The following KIFC3 variants were observed in gnomAD, a reference collection of about 807,000 sequenced individuals.
KIFC3 encodes the protein kinesin-like protein KIFC3.
Under a neutral mutation model 101.8 loss-of-function variants are expected in KIFC3, and 60 were observed. The ratio of observed to expected loss-of-function variants is 0.59; its 90% CI spans 0.48 to 0.73. The LOEUF is 0.73. KIFC3 is among the 30% of genes least tolerant of loss of function. The pLI, the probability that KIFC3 is intolerant of heterozygous loss-of-function variation, is 0.00. For missense variants in KIFC3, 966 were observed against 1,137.1 expected (o/e 0.85, Z 2.16); for synonymous variants, 476 against 482.7 (o/e 0.99, Z 0.18).
At chr16:57,824,620 T>G (rs2055421341) in intron 1 of KIFC3, among the ~76,000 whole-genome samples, 1 of 151,910 alleles carries the variant, frequency 6.6e-6, no homozygotes, top group Admixed American at 6.6e-5. Flanking sequence ...GAGGCGGAGG[T>G]TGCAGTGAAC....
At chr16:57,795,192 C>T (rs1555622195) in intron 2 of KIFC3, 51 bp from the exon 3 acceptor site, 7 of 1,591,416 alleles carry the variant, frequency 4.4e-6, no homozygotes, top group Admixed American at 1.8e-5. Context: ...TGGCCAAAGA[C>T]TGCTAGCCAT....
intron 1 of KIFC3, chr16:57,816,536 AC>A (rs1468141506): frequency 2.4e-5 from 11 of 456,580 alleles, no homozygotes; most frequent in Non-Finnish European, 4.8e-5. Context: ...ACAAAACCAC[AC>A]GGGCTGCGAG....
intron 3 of KIFC3, chr16:57,785,382 TG>T: frequency 1.3e-6 from 1 of 799,880 alleles, no homozygotes; most frequent in Non-Finnish European, 1.7e-6. Context: ...AGTAGCCTGG[TG>T]GGGTCAGGTG....
chr16:57,787,538 G>C (rs1470420205), intron 3 of KIFC3, among the ~76,000 whole-genome samples: 1 of 152,254 alleles, frequency 6.6e-6, no homozygotes, highest in Admixed American at 6.5e-5. Context: ...CCCAGAAAGG[G>C]GAGGACGGGA....
At chr16:57,788,779 A>G (rs2053588594) in intron 3 of KIFC3, 2 of 1,268,090 alleles carry the variant, frequency 1.6e-6, no homozygotes, top group Admixed American at 2.5e-5. Context: ...CTCGAGCCAG[A>G]GGATGGTGTG....
upstream of KIFC3, among the ~76,000 whole-genome samples, chr16:57,806,176 C>G (rs1359067574): frequency 6.6e-6 from 1 of 152,204 alleles, no homozygotes; most frequent in Non-Finnish European, 1.5e-5. Context: ...TAATCTGATT[C>G]TCATAGCAAC....
chr16:57,816,186 G>A, intron 1 of KIFC3: 1 of 1,273,074 alleles, frequency 7.9e-7, no homozygotes, highest in Non-Finnish European at 1.0e-6. Context: ...ACTTCTAATA[G>A]TTCATCAAGT....
At chr16:57,794,769 C>G (rs1568043610) in intron 3 of KIFC3, among the ~76,000 whole-genome samples, 1 of 152,320 alleles carries the variant, frequency 6.6e-6, no homozygotes, top group East Asian at 1.9e-4. Context: ...CATTTTAACA[C>G]CTCAGCCAGG....
chr16:57,781,856 G>C (rs920807358), intron 3 of KIFC3: 17 of 878,508 alleles, frequency 1.9e-5, no homozygotes, highest in Middle Eastern at 5.6e-4. Flanking sequence ...CACCTGACCA[G>C]TAAGTGGTGG....
intron 3 of KIFC3, among the ~76,000 whole-genome samples, chr16:57,793,934 A>T (rs967710414): frequency 6.6e-6 from 1 of 152,234 alleles, no homozygotes; most frequent in African/African-American, 2.4e-5. Context: ...GAGGACTAAG[A>T]GAGGCAGTTT....
intron 3 of KIFC3, among the ~76,000 whole-genome samples, chr16:57,793,771 G>T (rs1555621409): frequency 6.6e-6 from 1 of 152,054 alleles, no homozygotes; most frequent in Non-Finnish European, 1.5e-5. Context: ...GGATATTACA[G>T]CCAAGATCAC....
intron 3 of KIFC3, chr16:57,775,239 A>C: frequency 7.6e-7 from 1 of 1,314,022 alleles, no homozygotes. Context: ...ATGGTGAGGG[A>C]GTTGAGGAAG....
At position 57,794,417 on chromosome 16, in the gene KIFC3, G is replaced by C. The variant is rs1221062971; in HGVS notation, c.315+582C>G. ...TTTATTTTTCTTTTTGTAGAGATAGGGTCTCACTATATTGTCCAGGCTGGT... is the reference window on the plus strand; with the variant it reads ...TTTATTTTTCTTTTTGTAGAGATAGCGTCTCACTATATTGTCCAGGCTGGT... On this transcript the variant is annotated intron_variant, in intron 3 of 19. Transcript: ENST00000445690. 6.6e-5 allele frequency among the ~76,000 whole-genome samples: 10 copies of C among 151,772 alleles called. No homozygotes were observed. In the East Asian group the frequency reaches 1.4e-3, roughly 21 times the overall value.
Position 57,769,633 on chromosome 16 carries a change from G to A in KIFC3, c.1180C>T (p.Leu394=), listed in dbSNP as rs372526242. Reference sequence around the variant, plus strand: ...CTCCTGAGGGCCTCCTGCAGCAGCAGTGGGAAGCCGCGCACCTGCCGCTTG... The same window carrying A: ...CTCCTGAGGGCCTCCTGCAGCAGCAATGGGAAGCCGCGCACCTGCCGCTTG... ...GLKRQVRGFP[L]LLQEALRSVK... The change falls in exon 9 of 20, where the codon CTG becomes TTG. Residue 394 remains leucine (L), a synonymous_variant. Coordinates refer to ENST00000445690, the MANE Select transcript of KIFC3 (RefSeq NM_001130100.2). The surrounding 1 kb of genome is among the most constrained non-coding windows in gnomAD (Gnocchi z 4.3). 6.2e-7 allele frequency: 1 copy of A among 1,611,266 alleles called. No homozygotes were observed. The highest frequency in any genetic ancestry group is 1.1e-5 in the South Asian group (1 of 91,000).
chr16:57,852,434 G>C (rs2056077722), intron 1 of KIFC3, among the ~76,000 whole-genome samples: 1 of 152,192 alleles, frequency 6.6e-6, no homozygotes, highest in African/African-American at 2.4e-5. Context: ...CAGGAGGCCA[G>C]AGGTCTCAGT....
intron 1 of KIFC3, among the ~76,000 whole-genome samples, chr16:57,815,796 C>G (rs1218464451): frequency 6.6e-6 from 1 of 152,204 alleles, no homozygotes; most frequent in Non-Finnish European, 1.5e-5. Flanking sequence ...TCTTCTGACT[C>G]TCTACACACA....
Position 57,798,151 on chromosome 16 carries a change from C to G in KIFC3, c.93G>C (p.Gly31=), listed in dbSNP as rs1555623909. 6.5e-6 allele frequency: 10 copies of G among 1,547,746 alleles called. No individual in the cohort carries two copies. The highest frequency in any genetic ancestry group is 7.8e-6 in the Non-Finnish European group (9 of 1,146,630). The change falls in exon 2 of 20, where the codon GGG becomes GGC. Residue 31 remains glycine (G), a synonymous_variant. Transcript: ENST00000445690. Reference sequence around the variant, plus strand: ...CTGGGGCTGGGGCGGGGCGAGCCATCCCCGGCTCGGGCTCCGGGGCCCGGC... The same window carrying G: ...CTGGGGCTGGGGCGGGGCGAGCCATGCCCGGCTCGGGCTCCGGGGCCCGGC... The part of the protein sequence containing the change: ...RVGRAPEPEP[G]MARPAPAPAS...
chr16:57,798,159 CGGGCT>C lies in KIFC3; in HGVS notation c.80_84del (p.Glu27GlyfsTer40). 4 of 1,542,612 alleles carry C rather than the reference CGGGCT, an allele frequency of 2.6e-6. No individual in the cohort carries two copies. Among genetic ancestry groups the C allele is most frequent in the Non-Finnish European group, 3.5e-6 (4 of 1,144,188 alleles). ...GGGGCGGGGCGAGCCATCCCCGGCTCGGGCTCCGGGGCCCGGCCCACTCTCCACAG... is the reference window on the plus strand; with the variant it reads ...GGGGCGGGGCGAGCCATCCCCGGCTCCCGGGGCCCGGCCCACTCTCCACAG... On this transcript the variant is annotated frameshift_variant, in exon 2 of 20. Transcript: ENST00000445690. LOFTEE classifies it high-confidence loss of function.
At chr16:57,781,599 C>T (rs1555614751) in intron 3 of KIFC3, among the ~76,000 whole-genome samples, 2 of 152,220 alleles carry the variant, frequency 1.3e-5, no homozygotes, top group Admixed American at 6.5e-5. Flanking sequence ...AATACAAACA[C>T]CTCCTCCACC....
Sources: gnomAD v4.1 joint callset for allele counts (sites outside exome capture counted in the v4.1 genomes callset) on GRCh38, gnomAD v4.1.1 for gene constraint, Gnocchi (gnomAD v3.1) non-coding constraint, MANE v1.5 for transcripts, NCBI Gene and HGNC (gene_info 2026-07-23, HGNC 2026-07-21) for gene names.